The following SAMD12 variants were observed in gnomAD, a reference collection of about 807,000 sequenced individuals.
The protein encoded by SAMD12 is sterile alpha motif domain-containing protein 12.
A neutral mutation model predicts 15.0 loss-of-function variants in SAMD12; 9 were observed. The ratio of observed to expected loss-of-function variants is 0.60; its 90% CI spans 0.36 to 1.05. The LOEUF (loss-of-function observed/expected upper bound fraction) is 1.05. Ranked by LOEUF, SAMD12 falls within the 50% of genes least tolerant of loss-of-function variation. The pLI, the probability that SAMD12 is intolerant of heterozygous loss-of-function variation, is 0.01. For missense variants in SAMD12, 230 were observed against 234.2 expected (o/e 0.98, Z 0.12); for synonymous variants, 86 against 90.1 (o/e 0.96, Z 0.25).
chr8:118,620,603 G>A (rs1217242615), intron 1 of SAMD12, among the ~76,000 whole-genome samples: 1 of 152,138 alleles, frequency 6.6e-6, no homozygotes, highest in Non-Finnish European at 1.5e-5. Context: ...TATGGGTGCT[G>A]AGTATAGGAG....
chr8:118,285,105 T>C (rs1193203619), intron 4 of SAMD12: 1 of 152,134 alleles, frequency 6.6e-6, no homozygotes, highest in Non-Finnish European at 1.5e-5. Context: ...CATTCAACTT[T>C]TTTTTTTCTT....
At chr8:118,416,092 C>T (rs1370710557) in intron 3 of SAMD12, among the ~76,000 whole-genome samples, 1 of 152,094 alleles carries the variant, frequency 6.6e-6, no homozygotes, top group Non-Finnish European at 1.5e-5. Context: ...GGTTTTCTAT[C>T]AGATTAGGGA....
chr8:118,250,422 C>A (rs1812793404), intron 4 of SAMD12, among the ~76,000 whole-genome samples: 1 of 152,002 alleles, frequency 6.6e-6, no homozygotes, highest in Non-Finnish European at 1.5e-5. Context: ...CAAATAGAAC[C>A]AATCTAAACT....
At chr8:118,321,746 C>A (rs1055060701) in intron 4 of SAMD12, among the ~76,000 whole-genome samples, 1 of 152,080 alleles carries the variant, frequency 6.6e-6, no homozygotes, top group Non-Finnish European at 1.5e-5. Flanking sequence ...TAAATCCTGG[C>A]CTTCCTATTT....
intron 1 of SAMD12, among the ~76,000 whole-genome samples, chr8:118,608,186 A>G (rs1218009184): frequency 6.6e-6 from 1 of 151,926 alleles, no homozygotes. Context: ...TAACATTATT[A>G]TATGGATTTG....
At chr8:118,574,751 G>T (rs1400125810) in intron 2 of SAMD12, among the ~76,000 whole-genome samples, 1 of 152,112 alleles carries the variant, frequency 6.6e-6, no homozygotes, top group Non-Finnish European at 1.5e-5. Context: ...CTTGTCTCTT[G>T]TTCTGACCCT....
intron 3 of SAMD12, among the ~76,000 whole-genome samples, chr8:118,393,049 T>C (rs961132405): frequency 2.0e-5 from 3 of 152,184 alleles, no homozygotes; most frequent in African/African-American, 7.2e-5. Context: ...ACAAAACACT[T>C]ACTTTTGGGA....
chr8:118,469,495 A>T (rs1563878954), intron 2 of SAMD12, among the ~76,000 whole-genome samples: 1 of 34,202 alleles, frequency 2.9e-5, no homozygotes, highest in African/African-American at 7.8e-5. Flanking sequence ...TATATTATAT[A>T]TATATTTTTA....
chr8:118,591,552 AT>A (rs1221604191), intron 1 of SAMD12, among the ~76,000 whole-genome samples: 6 of 152,212 alleles, frequency 3.9e-5, no homozygotes, highest in Non-Finnish European at 8.8e-5. Flanking sequence ...CATGCTAACA[AT>A]TTTAATAACA....
At chr8:118,467,357 T>C in intron 2 of SAMD12, among the ~76,000 whole-genome samples, 1 of 152,210 alleles carries the variant, frequency 6.6e-6, no homozygotes, top group Non-Finnish European at 1.5e-5. Context: ...GTTGAAGAAC[T>C]AAGTGATATA....
In SAMD12 at chr8:118,296,974, T is replaced by C. The variant is rs568794413; in HGVS notation, c.433+82586A>G. Among the ~76,000 whole-genome samples the C allele has an allele frequency of 1.5e-4, 23 of 152,360 alleles. No homozygotes were observed. In the Middle Eastern group the frequency reaches 0.01, roughly 68 times the overall value. ...GACATTCTGGTCTAAAACATGCTAG[T>C]TGACAATCTTGATCCGATTTCTAAG... is the stretch of plus-strand genomic sequence containing the variant. On this transcript the variant is annotated intron_variant, in intron 4 of 4. Coordinates refer to the SAMD12 transcript ENST00000409003.
chr8:118,454,785 C>T (rs1265983129), intron 2 of SAMD12, among the ~76,000 whole-genome samples: 2 of 152,168 alleles, frequency 1.3e-5, no homozygotes, highest in African/African-American at 4.8e-5. Context: ...TAAACAATAA[C>T]TCCCTGTCCC....
chr8:118,480,547 A>T (rs748692571), intron 2 of SAMD12, among the ~76,000 whole-genome samples: 1 of 152,250 alleles, frequency 6.6e-6, no homozygotes, highest in African/African-American at 2.4e-5. Context: ...CAAATTAATC[A>T]TTAAGTAACC....
chr8:118,229,696 C>T (rs1162292379), intron 4 of SAMD12, among the ~76,000 whole-genome samples: 1 of 152,132 alleles, frequency 6.6e-6, no homozygotes, highest in Non-Finnish European at 1.5e-5. Flanking sequence ...CTAAGCATGT[C>T]AGGATGAAAA....
chr8:118,302,764 T>C (rs966885992), intron 4 of SAMD12, among the ~76,000 whole-genome samples: 1 of 152,228 alleles, frequency 6.6e-6, no homozygotes, highest in Non-Finnish European at 1.5e-5. Flanking sequence ...TCAAACTTAA[T>C]GCTTCTGGGA....
At chr8:118,527,679 G>A (rs1309612670) in intron 2 of SAMD12, among the ~76,000 whole-genome samples, 2 of 152,022 alleles carry the variant, frequency 1.3e-5, no homozygotes, top group Non-Finnish European at 2.9e-5. Context: ...GACAATATTA[G>A]TTTCTGGGTT....
intron 3 of SAMD12, 43 bp downstream of exon 3, chr8:118,439,789 A>G: frequency 6.3e-7 from 1 of 1,597,620 alleles, no homozygotes; most frequent in South Asian, 1.1e-5. Flanking sequence ...CGTGACTGGG[A>G]GAAAGAAAAG....
At chr8:118,416,886 G>A (rs1488409010) in intron 3 of SAMD12, among the ~76,000 whole-genome samples, 1 of 152,054 alleles carries the variant, frequency 6.6e-6, no homozygotes, top group Non-Finnish European at 1.5e-5. Context: ...GTTTCTCAAA[G>A]TGTTTCCAGA....
chr8:118,237,593 T>C (rs1394064114), intron 4 of SAMD12, among the ~76,000 whole-genome samples: 1 of 152,072 alleles, frequency 6.6e-6, no homozygotes, highest in African/African-American at 2.4e-5. Context: ...TATATCACAA[T>C]GCCACCCAGG....
Sources: gnomAD v4.1 joint callset for allele counts (sites outside exome capture counted in the v4.1 genomes callset) on GRCh38, gnomAD v4.1.1 for gene constraint, MANE v1.5 for transcripts, NCBI Gene and HGNC (gene_info 2026-07-23, HGNC 2026-07-21) for gene names.